The following CRB1 variants were observed in gnomAD, a reference collection of about 807,000 sequenced individuals.
The protein encoded by CRB1 is crumbs cell polarity complex component 1.
A neutral mutation model predicts 120.0 loss-of-function variants in CRB1; 83 were observed. That is an observed-to-expected ratio of 0.69 (90% CI 0.58 to 0.83). The LOEUF (loss-of-function observed/expected upper bound fraction) is 0.83. Among genes scored for constraint, CRB1 ranks in the 40% least tolerant of loss-of-function variants. CRB1 has a pLI of 0.00. For missense variants in CRB1, 1,699 were observed against 1,687.6 expected (o/e 1.01, Z -0.12); for synonymous variants, 625 against 612.5 (o/e 1.02, Z -0.30).
At chr1:197,471,448 G>T (rs1666973858) in intron 11 of CRB1, among the ~76,000 whole-genome samples, 1 of 152,122 alleles carries the variant, frequency 6.6e-6, no homozygotes, top group African/African-American at 2.4e-5. Flanking sequence ...AAGAGATGGG[G>T]CAGTGCCAAG....
intron 5 of CRB1, among the ~76,000 whole-genome samples, chr1:197,372,687 G>T (rs914500116): frequency 4.8e-4 from 73 of 151,060 alleles, no homozygotes; most frequent in African/African-American, 1.4e-3. Context: ...ACCAGGTTAG[G>T]CAATATAATG....
At chr1:197,383,315 TCTAAG>T (rs1198084103) in intron 5 of CRB1, among the ~76,000 whole-genome samples, 1 of 152,162 alleles carries the variant, frequency 6.6e-6, no homozygotes, top group Non-Finnish European at 1.5e-5. Flanking sequence ...CTCGAGATTT[TCTAAG>T]CTTCATCTCT....
intron 1 of CRB1, among the ~76,000 whole-genome samples, chr1:197,297,787 G>A (rs1656621455): frequency 6.6e-6 from 1 of 151,782 alleles, no homozygotes; most frequent in Non-Finnish European, 1.5e-5. Context: ...GAACTTAGAG[G>A]GGAAAAGAAA....
At chr1:197,321,362 T>C (rs1232455256) in intron 1 of CRB1, among the ~76,000 whole-genome samples, 2 of 152,206 alleles carry the variant, frequency 1.3e-5, no homozygotes, top group Non-Finnish European at 2.9e-5. Flanking sequence ...ATAAAAAATA[T>C]ATTCATGATG....
At chr1:197,219,564 A>G in the CRB1 span, among the ~76,000 whole-genome samples, 2 of 152,254 alleles carry the variant, frequency 1.3e-5, no homozygotes, top group African/African-American at 4.8e-5. Context: ...CATTTCACAG[A>G]TGAGGCTAAG....
At chr1:197,352,551 T>C (rs1212776413) in intron 4 of CRB1, among the ~76,000 whole-genome samples, 1 of 152,176 alleles carries the variant, frequency 6.6e-6, no homozygotes, top group Non-Finnish European at 1.5e-5. Flanking sequence ...TTTAATGTAT[T>C]TGAAGAACCT....
chr1:197,476,910 T>A (rs923057198), intron 11 of CRB1, among the ~76,000 whole-genome samples: 3 of 152,206 alleles, frequency 2.0e-5, no homozygotes, highest in African/African-American at 7.2e-5. Flanking sequence ...ATTGTTAAAC[T>A]GATAAGAGCT....
chr1:197,355,508 G>T (rs977927439), intron 4 of CRB1, among the ~76,000 whole-genome samples: 1 of 152,212 alleles, frequency 6.6e-6, no homozygotes, highest in African/African-American at 2.4e-5. Flanking sequence ...GGGGGCTCAG[G>T]CATGGCGGGC....
At chr1:197,458,413 G>A (rs958380592) in intron 11 of CRB1, among the ~76,000 whole-genome samples, 2 of 151,974 alleles carry the variant, frequency 1.3e-5, no homozygotes, top group Non-Finnish European at 2.9e-5. Flanking sequence ...TTTTCTAAAT[G>A]TTCTCTTCTT....
chr1:197,261,709 G>C, the CRB1 span, among the ~76,000 whole-genome samples: 2 of 151,794 alleles, frequency 1.3e-5, no homozygotes, highest in Non-Finnish European at 2.9e-5. Context: ...CTAATATTTG[G>C]GATTTTTCAC....
intron 3 of CRB1, among the ~76,000 whole-genome samples, chr1:197,345,502 C>CTTTTTTTTTT: frequency 2.2e-5 from 2 of 90,614 alleles, no homozygotes; most frequent in Non-Finnish European, 4.1e-5. Context: ...AAAATAATGA[C>CTTTTTTTTTT]TTTTTTTTTT....
At chr1:197,356,678 C>T (rs1299006902) in intron 4 of CRB1, among the ~76,000 whole-genome samples, 153 bp from the exon 5 acceptor site, 2 of 152,074 alleles carry the variant, frequency 1.3e-5, no homozygotes, top group Non-Finnish European at 2.9e-5. Context: ...TCCACTAAGC[C>T]TCCTCTTACC....
intron 7 of CRB1, 142 bp from the exon 8 acceptor site, chr1:197,429,307 G>A (rs1664755709): frequency 7.7e-7 from 1 of 1,295,792 alleles, no homozygotes; most frequent in Non-Finnish European, 1.1e-6. Flanking sequence ...ATTCTATTTA[G>A]TTAACAATGG....
intron 5 of CRB1, among the ~76,000 whole-genome samples, chr1:197,394,769 T>C (rs1662688821): frequency 6.6e-6 from 1 of 152,078 alleles, no homozygotes; most frequent in Non-Finnish European, 1.5e-5. Context: ...ATGACAGGAT[T>C]AGCTGCCAGT....
At chr1:197,407,681 A>T (rs1055607609) in intron 5 of CRB1, among the ~76,000 whole-genome samples, 1 of 152,166 alleles carries the variant, frequency 6.6e-6, no homozygotes, top group Non-Finnish European at 1.5e-5. Flanking sequence ...ATTTCTAGTG[A>T]TGTGTCCTAA....
At chr1:197,222,618 G>T in the CRB1 span, 3 of 773,390 alleles carry the variant, frequency 3.9e-6, no homozygotes, top group Non-Finnish European at 4.8e-6. Context: ...AGTGTATTTG[G>T]TAGGGAAGGC....
In CRB1 at chr1:197,364,072, G is replaced by C. The variant is rs983199883; in HGVS notation, c.1171+7059G>C. Reference sequence around the variant, plus strand: ...AAAGAATCAGGCAGATCCGTGGCGGGGCTGCTGAGGCGGGCAGATCCGTGG... The same window carrying C: ...AAAGAATCAGGCAGATCCGTGGCGGCGCTGCTGAGGCGGGCAGATCCGTGG... On this transcript the variant is annotated intron_variant, in intron 5 of 11. Transcript: ENST00000367400. The C allele has an allele frequency of 8.1e-5, 105 of 1,298,794 alleles. No individual in the cohort carries two copies. The African/African-American group carries it at 1.5e-3, about 18-fold the overall frequency. The allele number at this position is 1,298,794 out of a possible 1,614,324, so 80.5% of individuals were successfully genotyped here.
At chr1:197,276,747 T>C (rs1655229764) in intron 1 of CRB1, among the ~76,000 whole-genome samples, 1 of 151,848 alleles carries the variant, frequency 6.6e-6, no homozygotes, top group African/African-American at 2.4e-5. Context: ...CTGAAGTGGA[T>C]TGAGTAAAAC....
chr1:197,450,465 A>G (rs907231132), intron 11 of CRB1, among the ~76,000 whole-genome samples: 4 of 152,164 alleles, frequency 2.6e-5, no homozygotes, highest in Non-Finnish European at 5.9e-5. Context: ...AGTTTGGCAT[A>G]TGAATGATCC....
Sources: allele counts gnomAD v4.1 joint callset (sites outside exome capture counted in the v4.1 genomes callset), GRCh38; gene constraint gnomAD v4.1.1; transcripts MANE v1.5; gene names NCBI Gene and HGNC (gene_info 2026-07-23, HGNC 2026-07-21).